The following PDE4C variants were observed in gnomAD, a reference collection of about 807,000 sequenced individuals.
PDE4C encodes 3',5'-cyclic-AMP phosphodiesterase 4C.
In PDE4C, 50 loss-of-function variants were observed where a neutral mutation model predicts 63.9. The observed-to-expected ratio is 0.78, with a 90% confidence interval of 0.62 to 0.99. The LOEUF (loss-of-function observed/expected upper bound fraction) is 0.99, where lower values mean the gene tolerates loss of function less well. PDE4C is among the 50% of genes least tolerant of loss of function. PDE4C has a pLI of 0.00. For missense variants in PDE4C, 777 were observed against 899.1 expected (o/e 0.86, Z 1.74); for synonymous variants, 377 against 385.1 (o/e 0.98, Z 0.25).
upstream of PDE4C, among the ~76,000 whole-genome samples, chr19:18,236,309 G>A (rs1018778796): frequency 5.3e-5 from 8 of 150,900 alleles, no homozygotes; most frequent in African/African-American, 1.5e-4. Flanking sequence ...GTGCAACCTC[G>A]GCTCACTGCA....
chr19:18,221,049 TCCGC>T, intron 4 of PDE4C, 52 bp downstream of exon 4: 1 of 1,239,970 alleles, frequency 8.1e-7, no homozygotes, highest in Non-Finnish European at 1.1e-6. Flanking sequence ...CAGCCCGCTT[TCCGC>T]CCACCTTGTC....
At chr19:18,237,411 C>T (rs1173097687), upstream of PDE4C, among the ~76,000 whole-genome samples, 3 of 151,964 alleles carry the variant, frequency 2.0e-5, no homozygotes, top group East Asian at 5.8e-4. Flanking sequence ...ATTAGCCAGG[C>T]GTGGTGGTGC....
At chr19:18,218,489 G>A in exon 10 of PDE4C, 1 of 1,614,230 alleles carries the variant, frequency 6.2e-7, no homozygotes, top group African/African-American at 1.3e-5. Flanking sequence ...GTCTTCAGCA[G>A]GTCCCGCTCC....
In PDE4C at chr19:18,210,749, C is replaced by T. The variant is rs1211216395; in HGVS notation, c.*180G>A. The T allele has an allele frequency of 4.6e-6, 5 of 1,094,036 alleles. No homozygotes were observed. In the South Asian group the frequency reaches 1.0e-4, roughly 22 times the overall value. The allele number at this position is 1,094,036 out of a possible 1,614,324, so 67.8% of individuals were successfully genotyped here. ...AGGCAAGTCTAGGGTCAGAGTGGAC[C>T]CCAGCCAGGTGCCTCCAATTAGACC... On this transcript the variant is annotated 3_prime_UTR_variant, in exon 15 of 15. Coordinates refer to ENST00000262805, the Ensembl canonical transcript of PDE4C.
intron 7 of PDE4C, among the ~76,000 whole-genome samples, chr19:18,219,970 T>C (rs765990508): frequency 6.6e-6 from 1 of 152,006 alleles, no homozygotes; most frequent in Non-Finnish European, 1.5e-5. Context: ...GTCCTTTCCG[T>C]CTCCCAAGCT....
chr19:18,230,649 A>C (rs1448413242), upstream of PDE4C, among the ~76,000 whole-genome samples: 1 of 152,106 alleles, frequency 6.6e-6, no homozygotes, highest in African/African-American at 2.4e-5. Context: ...TCTACTTAGA[A>C]TACCCTTCTT....
chr19:18,232,746 G>A (rs1036335058), intron 1 of PDE4C, among the ~76,000 whole-genome samples: 1 of 151,966 alleles, frequency 6.6e-6, no homozygotes, highest in Non-Finnish European at 1.5e-5. Context: ...GGGCACACCC[G>A]GTCACACAGA....
intron 1 of PDE4C, among the ~76,000 whole-genome samples, chr19:18,244,318 G>A (rs1167367209): frequency 5.5e-5 from 8 of 146,658 alleles, no homozygotes; most frequent in African/African-American, 2.0e-4. Flanking sequence ...TTTTTGAGAC[G>A]ACGTCTCACT....
chr19:18,241,930 C>T (rs2072487941), intron 1 of PDE4C, among the ~76,000 whole-genome samples: 1 of 150,986 alleles, frequency 6.6e-6, no homozygotes, highest in African/African-American at 2.4e-5. Flanking sequence ...TTCACGTATT[C>T]ATTGAACAAA....
rs371204175 is a variant in PDE4C at position 18,216,749 on chromosome 19, T to C, written c.1381A>G (p.Ile461Val). The C allele has an allele frequency of 5.9e-6, 9 of 1,529,822 alleles. No individual in the cohort carries two copies. In the African/African-American group the frequency reaches 8.3e-5, roughly 14 times the overall value. The allele number at this position is 1,529,822 out of a possible 1,614,324, so 94.8% of individuals were successfully genotyped here. The change falls in exon 12 of 15, where the codon ATT becomes GTT. Residue 461 changes from isoleucine to valine, a missense_variant. Ile to Val is a conservative substitution (Grantham distance 29). Coordinates refer to ENST00000262805, the Ensembl canonical transcript of PDE4C. The stretch of plus-strand genomic sequence containing the variant: ...TACTGCCCTGGCCTCACCATGTCAA[T>C]GACCATCCTGCGCAGACTCAGTCGC...
intron 1 of PDE4C, chr19:18,225,848 A>C: frequency 5.9e-6 from 1 of 170,364 alleles, no homozygotes; most frequent in Non-Finnish European, 1.3e-5. Context: ...GCACTGGGAC[A>C]GGATGCTGGT....
At chr19:18,222,295 C>A in exon 2 of PDE4C, 2 of 1,611,658 alleles carry the variant, frequency 1.2e-6, no homozygotes, top group Non-Finnish European at 1.7e-6. Context: ...GCCCTCCTCC[C>A]ACACGAGAGC....
chr19:18,242,593 C>T (rs1461137682), intron 1 of PDE4C, among the ~76,000 whole-genome samples: 1 of 149,698 alleles, frequency 6.7e-6, no homozygotes, highest in Non-Finnish European at 1.5e-5. Context: ...ACCAACCTGG[C>T]CAGCATGGTG....
chr19:18,255,313 C>T, the PDE4C span: 5 of 398,866 alleles, frequency 1.3e-5, no homozygotes, highest in Admixed American at 4.4e-5. The surrounding 1 kb of genome is among the most constrained non-coding windows in gnomAD (Gnocchi z 4.6). Context: ...GCCATTCCTG[C>T]GCCGGGAGGG....
At chr19:18,232,839 C>A in intron 1 of PDE4C, 1 of 1,261,814 alleles carries the variant, frequency 7.9e-7, no homozygotes, top group South Asian at 1.7e-5. Context: ...CAGCCTCAAC[C>A]AAGCAGCAGA....
At position 18,233,313 on chromosome 19, in the gene PDE4C, T is replaced by C. The variant is rs1568265237; in HGVS notation, c.-122A>G. On this transcript the variant is annotated 5_prime_UTR_variant, in exon 1 of 15. Transcript: ENST00000594465. Reference sequence around the variant, plus strand: ...GAGTGGAGGCGACAGCGAGGAGCTGTCCGCGCCGGAGGTGCTGAAGCGGTA... The same window carrying C: ...GAGTGGAGGCGACAGCGAGGAGCTGCCCGCGCCGGAGGTGCTGAAGCGGTA... 2.9e-6 allele frequency: 4 copies of C among 1,384,130 alleles called. No homozygotes were observed. The South Asian group carries it at 5.0e-5, about 17-fold the overall frequency. 85.7% of individuals were successfully genotyped at this position (1,384,130 alleles called of 1,614,324 possible). A position where few individuals can be genotyped will look rare whatever the true frequency, so the allele number is the denominator to read the frequency against.
intron 1 of PDE4C, among the ~76,000 whole-genome samples, chr19:18,242,402 A>G (rs271836): frequency 0.75 from 112,116 of 148,568 alleles, 43,341 homozygotes; most frequent in African/African-American, 0.93. Context: ...TTTATGCCCG[A>G]GAGGCGGAGG....
At position 18,246,541 on chromosome 19, in the gene PDE4C, G is replaced by A. The variant is rs1969137742; in HGVS notation, c.-210+1630C>T. 2.0e-5 allele frequency among the ~76,000 whole-genome samples: 3 copies of A among 152,068 alleles called. No individual in the cohort carries two copies. The South Asian group carries it at 6.2e-4, about 32-fold the overall frequency. On this transcript the variant is annotated intron_variant, in intron 1 of 15. Coordinates refer to the PDE4C transcript ENST00000594617. ...GGAGTGTGGATAAATAAACATTAAG[G>A]CATATGCAGCTACGCCTGCCCTAGG...
upstream of PDE4C, among the ~76,000 whole-genome samples, chr19:18,227,448 G>A (rs1225567394): frequency 6.6e-6 from 1 of 152,094 alleles, no homozygotes; most frequent in African/African-American, 2.4e-5. Flanking sequence ...CCTCTGCCAA[G>A]TCTTCTGTCC....
Sources: allele counts gnomAD v4.1 joint callset (sites outside exome capture counted in the v4.1 genomes callset), GRCh38; gene constraint gnomAD v4.1.1; non-coding constraint Gnocchi (gnomAD v3.1); transcripts MANE v1.5; gene names NCBI Gene and HGNC (gene_info 2026-07-23, HGNC 2026-07-21).